The following ABCA12 variants were observed in gnomAD, a reference collection of about 807,000 sequenced individuals.
ABCA12 encodes the protein glucosylceramide transporter ABCA12.
ABCA12 carries 156 observed loss-of-function variants against 293.5 expected under a neutral mutation model. The observed-to-expected ratio is 0.53, with a 90% CI of 0.47 to 0.61. The LOEUF (loss-of-function observed/expected upper bound fraction) is 0.61, where lower values mean the gene tolerates loss of function less well. Ranked by LOEUF, ABCA12 falls within the 20% of genes least tolerant of loss-of-function variation. The pLI is 0.00. For missense variants in ABCA12, 2,797 were observed against 3,090.2 expected, an observed-to-expected ratio of 0.91 and a Z score of 2.25; for synonymous variants, 1,063 against 1,108.0, an observed-to-expected ratio of 0.96 and a Z score of 0.81.
intron 50 of ABCA12, among the ~76,000 whole-genome samples, chr2:214,939,932 C>T (rs1217892674): frequency 5.3e-5 from 8 of 152,144 alleles, no homozygotes; most frequent in African/African-American, 1.7e-4. Context: ...GACTTCCTCT[C>T]TTCCTATTTG....
intron 4 of ABCA12, among the ~76,000 whole-genome samples, 185 bp from the exon 5 acceptor site, chr2:215,052,769 A>T (rs1021792656): frequency 2.6e-5 from 4 of 152,108 alleles, no homozygotes; most frequent in African/African-American, 9.7e-5. Flanking sequence ...TTTTCTTTTC[A>T]TATAAAATTG....
chr2:215,014,694 G>A (rs531700278), intron 15 of ABCA12, among the ~76,000 whole-genome samples: 106 of 152,246 alleles, frequency 7.0e-4, no homozygotes, highest in African/African-American at 2.5e-3. Context: ...ATAGGCATGA[G>A]ATGACAGTAA....
chr2:215,102,325 G>T (rs995521315), intron 2 of ABCA12, among the ~76,000 whole-genome samples: 1 of 152,168 alleles, frequency 6.6e-6, no homozygotes, highest in Non-Finnish European at 1.5e-5. Context: ...TAGGCCTGAC[G>T]CAATGGCGCA....
chr2:214,983,392 T>C (rs549426491), intron 29 of ABCA12, among the ~76,000 whole-genome samples: 20 of 152,116 alleles, frequency 1.3e-4, no homozygotes, highest in South Asian at 4.2e-4. Context: ...GTAGTAGCCA[T>C]GGAGATCAGA....
At chr2:214,975,540 G>A (rs141487492) in intron 34 of ABCA12, among the ~76,000 whole-genome samples, 21 of 152,220 alleles carry the variant, frequency 1.4e-4, no homozygotes, top group Middle Eastern at 3.4e-3. Flanking sequence ...AATTAAAGTC[G>A]TCATTATAAA....
At chr2:214,995,189 A>G (rs1004329493) in intron 23 of ABCA12, among the ~76,000 whole-genome samples, 1 of 152,206 alleles carries the variant, frequency 6.6e-6, no homozygotes, top group African/African-American at 2.4e-5. Context: ...AAAGTCAAAG[A>G]TAAGTGGCTT....
chr2:215,010,541 CAG>C, intron 17 of ABCA12, 71 bp from the exon 18 acceptor site: 1 of 1,533,564 alleles, frequency 6.5e-7, no homozygotes, highest in Non-Finnish European at 8.9e-7. Context: ...GGCAAATTGA[CAG>C]AGATTATTCT....
intron 7 of ABCA12, among the ~76,000 whole-genome samples, chr2:215,037,612 C>T (rs16853207): frequency 1.3e-5 from 2 of 151,984 alleles, no homozygotes; most frequent in Non-Finnish European, 2.9e-5. Flanking sequence ...AGGCACTATT[C>T]CAGAGGTAGT....
intron 22 of ABCA12, among the ~76,000 whole-genome samples, chr2:214,998,638 T>A (rs1700082749): frequency 6.6e-6 from 1 of 152,186 alleles, no homozygotes; most frequent in African/African-American, 2.4e-5. Flanking sequence ...AACCTGAAAG[T>A]TAAATTGGAG....
intron 3 of ABCA12, among the ~76,000 whole-genome samples, chr2:215,058,704 C>T (rs746567743): frequency 6.6e-5 from 10 of 152,042 alleles, no homozygotes; most frequent in Middle Eastern, 3.4e-3. Flanking sequence ...ATGCACGGTA[C>T]GATGGGCATG....
chr2:215,105,432 C>G (rs1702444666), intron 2 of ABCA12, among the ~76,000 whole-genome samples: 1 of 152,046 alleles, frequency 6.6e-6, no homozygotes, highest in African/African-American at 2.4e-5. Flanking sequence ...TACTGCAGAA[C>G]AGAATGAACA....
At chr2:214,992,900 C>T (rs1699950191) in intron 23 of ABCA12, among the ~76,000 whole-genome samples, 2 of 151,910 alleles carry the variant, frequency 1.3e-5, no homozygotes, top group South Asian at 4.2e-4. Context: ...AATAAATCTC[C>T]ACTAACAGCT....
chr2:215,050,135 T>C (rs751435143), intron 5 of ABCA12, among the ~76,000 whole-genome samples: 6 of 152,160 alleles, frequency 3.9e-5, no homozygotes, highest in Non-Finnish European at 7.4e-5. Flanking sequence ...CATAAAAATC[T>C]TATTCACTTT....
At position 214,974,026 on chromosome 2, in the gene ABCA12, C is replaced by T; in HGVS notation, c.5485G>A (p.Asp1829Asn). ...NTSDLQCLNKDSLEKWNTSGE... is the reference protein window; with the variant it reads ...NTSDLQCLNKNSLEKWNTSGE... ...CTGGTGTTCCATTTTTCCAGACTGT[C>T]TTTGTTTAAACACTGTCTGCAAGTT... The change falls in exon 36 of 53, where the codon GAC becomes AAC. Residue 1829 changes from aspartate to asparagine, a missense_variant. Transcript: ENST00000272895. The T allele has an allele frequency of 6.2e-7, 1 of 1,613,860 alleles. No homozygotes were observed. The highest frequency in any genetic ancestry group is 8.5e-7 in the Non-Finnish European group (1 of 1,179,864).
chr2:214,939,783 G>T (rs983966795), intron 50 of ABCA12, among the ~76,000 whole-genome samples: 4 of 152,110 alleles, frequency 2.6e-5, no homozygotes, highest in African/African-American at 9.7e-5. Context: ...TGGTGTATAG[G>T]AATGCTTGTG....
chr2:215,015,314 C>T (rs886799199), intron 15 of ABCA12, among the ~76,000 whole-genome samples, 176 bp downstream of exon 15: 3 of 152,052 alleles, frequency 2.0e-5, no homozygotes, highest in East Asian at 1.9e-4. Context: ...ATCTATAAAA[C>T]GTGCAAAATT....
chr2:215,076,637 AGAGAG>A (rs1701840115), intron 2 of ABCA12, among the ~76,000 whole-genome samples: 2 of 152,198 alleles, frequency 1.3e-5, no homozygotes, highest in African/African-American at 4.8e-5. Flanking sequence ...GCCTAAGTCT[AGAGAG>A]GTACTCTAGA....
chr2:215,079,835 A>T (rs577306822), intron 2 of ABCA12, among the ~76,000 whole-genome samples: 1 of 152,362 alleles, frequency 6.6e-6, no homozygotes, highest in South Asian at 2.1e-4. Flanking sequence ...CAACATTAAG[A>T]TAGGCTGATG....
chr2:215,050,016 A>G (rs1197590386), intron 5 of ABCA12, among the ~76,000 whole-genome samples: 1 of 152,136 alleles, frequency 6.6e-6, no homozygotes, highest in African/African-American at 2.4e-5. Context: ...AATTCTTGTC[A>G]TTGTTATTAT....
Sources: gnomAD v4.1 joint callset for allele counts (sites outside exome capture counted in the v4.1 genomes callset) on GRCh38, gnomAD v4.1.1 for gene constraint, MANE v1.5 for transcripts, NCBI Gene and HGNC (gene_info 2026-07-23, HGNC 2026-07-21) for gene names.